SVIL: variants seen among roughly 807,000 people sequenced by gnomAD.
SVIL encodes archvillin.
SVIL carries 101 observed loss-of-function variants against 240.4 expected under a neutral mutation model. That is an observed-to-expected ratio of 0.42 (90% CI 0.36 to 0.50). The LOEUF (loss-of-function observed/expected upper bound fraction) is 0.50, where lower values mean the gene tolerates loss of function less well. Ranked by LOEUF, SVIL falls within the 20% of genes least tolerant of loss-of-function variation. The pLI is 0.01. For synonymous variants in SVIL, 999 were observed against 1,100.0 expected, an observed-to-expected ratio of 0.91 and a Z score of 1.82; for missense variants, 2,512 against 2,818.7, an observed-to-expected ratio of 0.89 and a Z score of 2.46.
At chr10:29,584,322 A>G (rs1190056773) in intron 1 of SVIL, among the ~76,000 whole-genome samples, 1 of 152,222 alleles carries the variant, frequency 6.6e-6, no homozygotes, top group Non-Finnish European at 1.5e-5. Context: ...CGGCACCTGC[A>G]TGGGGTTCAG....
chr10:29,696,037 T>A (rs568605557), intron 1 of SVIL, among the ~76,000 whole-genome samples: 23 of 151,124 alleles, frequency 1.5e-4, no homozygotes, highest in East Asian at 2.0e-4. Flanking sequence ...ATCTCGGCTC[T>A]CTGCAGCCTC....
chr10:29,611,827 AC>A, intron 1 of SVIL, among the ~76,000 whole-genome samples: 1 of 151,820 alleles, frequency 6.6e-6, no homozygotes, highest in South Asian at 2.1e-4. Context: ...GTTCCCTGAG[AC>A]CCCCTACCCT....
intron 2 of SVIL, among the ~76,000 whole-genome samples, chr10:29,678,140 G>A (rs1258077368): frequency 6.6e-6 from 1 of 151,824 alleles, no homozygotes; most frequent in South Asian, 2.1e-4. Flanking sequence ...GGGTTGAGGG[G>A]GATGGTTTCA....
intron 22 of SVIL, among the ~76,000 whole-genome samples, 187 bp from the exon 23 acceptor site, chr10:29,488,943 C>T (rs12780610): frequency 1.3e-5 from 2 of 152,230 alleles, no homozygotes; most frequent in Non-Finnish European, 2.9e-5. Flanking sequence ...GAATTAAGTA[C>T]AGCATTGAAA....
chr10:29,531,963 A>G (rs1383840530), intron 9 of SVIL, 39 bp downstream of exon 9: 1 of 1,608,682 alleles, frequency 6.2e-7, no homozygotes, highest in Non-Finnish European at 8.5e-7. Flanking sequence ...TGTCATTGCC[A>G]CGTTCCTGGA....
At position 29,731,724 on chromosome 10, in the gene SVIL, T is replaced by C. The variant is rs74564203; in HGVS notation, c.-400+4027A>G. ...ACCGCCTCCCCTGACAGACTATATCTGGAATAACATTGACATAACAGAAAC... is the reference window on the plus strand; with the variant it reads ...ACCGCCTCCCCTGACAGACTATATCCGGAATAACATTGACATAACAGAAAC... On this transcript the variant is annotated intron_variant, in intron 1 of 35. Transcript: ENST00000375400. Among the ~76,000 whole-genome samples, 1,173 of 152,336 alleles carry C rather than the reference T, an allele frequency of 7.7e-3. 23 individuals are homozygous for C. Among genetic ancestry groups the C allele is most frequent in the East Asian group, 0.069 (356 of 5,172 alleles).
Position 29,499,203 on chromosome 10 carries a change from C to T in SVIL, c.3577G>A (p.Val1193Met), listed in dbSNP as rs1948690501. Residue 1193 changes from valine (V) to methionine (M), a missense_variant, in exon 18 of 38, where the codon GTG (valine) becomes ATG (methionine). Physicochemically the swap from Val to Met is conservative, Grantham distance 21. Transcript: ENST00000355867. ...CTCGTCTTCCAGGCCTCCTCTCTCA[C>T]AGTGATGAGCTGCTTCCTCTCCTCA... ...TIEERKQLIT[V>M]REEAWKTRGR... The T allele has an allele frequency of 3.1e-6, 5 of 1,614,222 alleles. No homozygotes were observed. In the Admixed American group the frequency reaches 8.3e-5, roughly 27 times the overall value.
chr10:29,610,763 C>T (rs1957214622), intron 1 of SVIL, among the ~76,000 whole-genome samples: 1 of 152,096 alleles, frequency 6.6e-6, no homozygotes, highest in Non-Finnish European at 1.5e-5. Flanking sequence ...CACCAACCTC[C>T]ATCTTTTCAT....
intron 2 of SVIL, among the ~76,000 whole-genome samples, chr10:29,566,811 C>T (rs1955006704): frequency 6.6e-6 from 1 of 152,130 alleles, no homozygotes; most frequent in Non-Finnish European, 1.5e-5. Context: ...AAGCATGGAG[C>T]TCTCGGATGC....
chr10:29,625,727 G>A (rs1957837953), intron 1 of SVIL, among the ~76,000 whole-genome samples: 1 of 152,198 alleles, frequency 6.6e-6, no homozygotes, highest in Non-Finnish European at 1.5e-5. Flanking sequence ...CTCCCAAAGT[G>A]CTGGGACTAC....
intron 1 of SVIL, among the ~76,000 whole-genome samples, chr10:29,611,048 T>C (rs975779108): frequency 5.3e-5 from 8 of 152,122 alleles, no homozygotes; most frequent in Admixed American, 3.3e-4. Context: ...TGAATCACCT[T>C]GATTTCTAGT....
intron 1 of SVIL, among the ~76,000 whole-genome samples, chr10:29,725,320 C>A (rs1964229810): frequency 6.6e-6 from 1 of 151,950 alleles, no homozygotes; most frequent in Non-Finnish European, 1.5e-5. Flanking sequence ...CCTCTCCTTC[C>A]CTTCAAGAGT....
chr10:29,695,372 T>G (rs1433317550), intron 1 of SVIL, among the ~76,000 whole-genome samples: 1 of 152,168 alleles, frequency 6.6e-6, no homozygotes, highest in Non-Finnish European at 1.5e-5. Context: ...GTACACTAAG[T>G]GCCCTGACTT....
chr10:29,588,081 G>A (rs1340295307), intron 1 of SVIL, among the ~76,000 whole-genome samples: 6 of 151,732 alleles, frequency 4.0e-5, no homozygotes, highest in African/African-American at 9.7e-5. Context: ...TTTTAGCCAC[G>A]GGGCCCCTTT....
chr10:29,509,572 G>A (rs1297695023), intron 17 of SVIL, among the ~76,000 whole-genome samples: 1 of 152,086 alleles, frequency 6.6e-6, no homozygotes, highest in Non-Finnish European at 1.5e-5. Context: ...CTCCAGGCTG[G>A]GCATGGTGGC....
intron 1 of SVIL, among the ~76,000 whole-genome samples, chr10:29,626,956 G>A (rs1346759581): frequency 6.6e-6 from 1 of 152,058 alleles, no homozygotes; most frequent in African/African-American, 2.4e-5. Context: ...CCCGGGAGGC[G>A]GAGCTTGCAG....
chr10:29,605,506 T>C (rs1475677167), intron 1 of SVIL, among the ~76,000 whole-genome samples: 1 of 152,164 alleles, frequency 6.6e-6, no homozygotes, highest in Non-Finnish European at 1.5e-5. Flanking sequence ...ACTCCTTAAA[T>C]TCCTTTTCCC....
At chr10:29,584,666 C>G (rs1415271848) in intron 1 of SVIL, among the ~76,000 whole-genome samples, 1 of 152,196 alleles carries the variant, frequency 6.6e-6, no homozygotes, top group African/African-American at 2.4e-5. Context: ...CCTCTTTAAC[C>G]TGCGGCCTTC....
At position 29,550,900 on chromosome 10, in the gene SVIL, A is replaced by G. The variant is rs549987340; in HGVS notation, c.524T>C (p.Leu175Pro). The change falls in exon 6 of 38, where the codon CTC (leucine) becomes CCC (proline). Residue 175 changes from leucine (L) to proline (P), a missense_variant. This residue lies in a region of SVIL where 1,443 missense variants were observed against 1,486.6 expected (regional missense o/e 0.97). Coordinates refer to ENST00000355867, the MANE Select transcript of SVIL (RefSeq NM_021738.3). Reference sequence around the variant, plus strand: ...CTTGGATTCACCGGCACAGGTCCTGAGCCCCATCGTCTCGGTCCCGGGGTA... The same window carrying G: ...CTTGGATTCACCGGCACAGGTCCTGGGCCCCATCGTCTCGGTCCCGGGGTA... The part of the protein sequence containing the change: ...SLYPGTETMG[L>P]RTCAGESKDY... 1 of 1,613,840 alleles carries G rather than the reference A, an allele frequency of 6.2e-7. No individual in the cohort carries two copies. The highest frequency in any genetic ancestry group is 1.3e-5 in the African/African-American group (1 of 74,926).
Sources: gnomAD v4.1 joint callset for allele counts (sites outside exome capture counted in the v4.1 genomes callset) on GRCh38, gnomAD v4.1.1 for gene constraint, gnomAD v4.1.1 regional missense constraint, MANE v1.5 for transcripts, NCBI Gene and HGNC (gene_info 2026-07-23, HGNC 2026-07-21) for gene names.